The following TAF1A variants were observed in gnomAD, a reference collection of about 807,000 sequenced individuals.
TAF1A encodes TATA box-binding protein-associated factor RNA polymerase I subunit A.
TAF1A carries 42 observed loss-of-function variants against 61.6 expected under a neutral mutation model. The observed-to-expected ratio is 0.68, with a 90% CI of 0.53 to 0.88. The LOEUF (loss-of-function observed/expected upper bound fraction) is 0.88. TAF1A is among the 40% of genes least tolerant of loss of function. The probability of loss-of-function intolerance (pLI) is 0.00; values close to 1 mark genes in which losing one functional copy is unlikely to be tolerated. For missense variants in TAF1A, 424 were observed against 518.7 expected, an observed-to-expected ratio of 0.82 and a Z score of 1.77; for synonymous variants, 179 against 177.7, an observed-to-expected ratio of 1.01 and a Z score of -0.06.
At chr1:222,568,871 G>A (rs1440470754) in intron 7 of TAF1A, 1 of 152,290 alleles carries the variant, frequency 6.6e-6, no homozygotes, top group Non-Finnish European at 1.5e-5. Context: ...ATCAAGAAGT[G>A]AATGTATAAA....
chr1:222,589,559 C>A (rs1661167242), intron 1 of TAF1A, among the ~76,000 whole-genome samples, 168 bp downstream of exon 1: 1 of 152,132 alleles, frequency 6.6e-6, no homozygotes, highest in Admixed American at 6.6e-5. Context: ...AATTGGTGAC[C>A]CGCAGTTGCC....
At chr1:222,578,027 T>C (rs115906700) in intron 4 of TAF1A, among the ~76,000 whole-genome samples, 472 of 152,314 alleles carry the variant, frequency 3.1e-3, no homozygotes, top group Middle Eastern at 0.01. Flanking sequence ...TTTTCAAGAT[T>C]AAATGAGATA....
intron 4 of TAF1A, among the ~76,000 whole-genome samples, chr1:222,578,981 T>G (rs1660681825): frequency 6.6e-6 from 1 of 152,224 alleles, no homozygotes; most frequent in Non-Finnish European, 1.5e-5. Context: ...AACAGTTTAC[T>G]CTTCACACTC....
intron 5 of TAF1A, among the ~76,000 whole-genome samples, chr1:222,575,014 A>G (rs991870389): frequency 5.9e-5 from 9 of 152,114 alleles, no homozygotes; most frequent in Admixed American, 3.9e-4. Context: ...CATTTGTTTT[A>G]TATGCTTTTT....
At chr1:222,571,860 C>T (rs74916023) in intron 5 of TAF1A, among the ~76,000 whole-genome samples, 56 of 152,124 alleles carry the variant, frequency 3.7e-4, no homozygotes, top group Middle Eastern at 3.4e-3. Flanking sequence ...ATAATTCATA[C>T]GAAAATGCAA....
chr1:222,563,283 G>A lies in TAF1A; in HGVS notation c.975C>T (p.His325=). 1.9e-6 allele frequency: 3 copies of A among 1,612,476 alleles called. 1 individual carries two copies. The highest frequency in any genetic ancestry group is 2.2e-5 in the South Asian group (2 of 90,876). Residue 325 remains histidine (H), a synonymous_variant, in exon 9 of 11, where the codon CAC becomes CAT. Coordinates refer to ENST00000352967, the MANE Select transcript of TAF1A (RefSeq NM_005681.4). ...ATAATACCTCCAACCCCAGTTTACG[G>A]TGTTCTTCTTTTTCTGCAATGGTTT... ...TLLRKSEKEE[H]RKLGLEVLFG...
At chr1:222,573,955 C>T (rs1660462934) in intron 5 of TAF1A, among the ~76,000 whole-genome samples, 1 of 148,056 alleles carries the variant, frequency 6.8e-6, no homozygotes, top group South Asian at 2.2e-4. Context: ...ACATTAAAAA[C>T]ATTATGCTTT....
chr1:222,588,629 C>A, intron 1 of TAF1A, 64 bp from the exon 2 acceptor site: 1 of 1,521,354 alleles, frequency 6.6e-7, no homozygotes, highest in South Asian at 1.3e-5. Context: ...CTGAGTTGTA[C>A]AGAAAAACGG....
At chr1:222,576,366 C>A (rs1660572647) in intron 5 of TAF1A, among the ~76,000 whole-genome samples, 1 of 152,110 alleles carries the variant, frequency 6.6e-6, no homozygotes, top group Admixed American at 6.6e-5. Context: ...TACCACTTAT[C>A]ACATAAGGAT....
Position 222,588,538 on chromosome 1 carries a change from T to G in TAF1A, c.26A>C (p.Lys9Thr), listed in dbSNP as rs1256903726. The G allele has an allele frequency of 1.2e-6, 2 of 1,613,982 alleles. No individual in the cohort carries two copies. MSDFSEEL[K>T]GPVTDDEEVE... ...TTCTTCATCATCTGTCACAGGCCCT[T>G]TTAATTCTTCACTGAAATCACTCAT... The change falls in exon 2 of 11, where the codon AAA (lysine) becomes ACA (threonine). Residue 9 changes from lysine to threonine, a missense_variant. Coordinates refer to ENST00000352967, the MANE Select transcript of TAF1A (RefSeq NM_005681.4).
chr1:222,570,546 T>C lies in TAF1A; in HGVS notation c.724A>G (p.Ser242Gly). 6.2e-7 allele frequency: 1 copy of C among 1,610,530 alleles called. No homozygotes were observed. The highest frequency in any genetic ancestry group is 1.3e-5 in the African/African-American group (1 of 74,970). ...AAAATTCTACTTACTTCTACATAAC[T>C]CTTCACAAAAGGGTCCCAAACTCCA... Reference protein sequence around the residue: ...IPGVWDPFVKSYVEMLEFYGD... With the variant: ...IPGVWDPFVKGYVEMLEFYGD... Residue 242 changes from serine (S) to glycine (G), a missense_variant, in exon 6 of 11, where the codon AGT becomes GGT. Transcript: ENST00000352967.
chr1:222,558,604 T>C lies in TAF1A; in HGVS notation c.*56A>G. 2 of 885,074 alleles carry C rather than the reference T, an allele frequency of 2.3e-6. No individual in the cohort carries two copies. The highest frequency in any genetic ancestry group is 2.7e-5 in the East Asian group (1 of 37,290). The allele number at this position is 885,074 out of a possible 1,614,324, so 54.8% of individuals were successfully genotyped here. On this transcript the variant is annotated 3_prime_UTR_variant, in exon 11 of 11. Coordinates refer to ENST00000352967, the MANE Select transcript of TAF1A (RefSeq NM_005681.4). ...ACACTACATAAATACATTCAATAACTATCTACCAAGCTACTTACTGTGTAG... is the reference window on the plus strand; with the variant it reads ...ACACTACATAAATACATTCAATAACCATCTACCAAGCTACTTACTGTGTAG...
intron 5 of TAF1A, among the ~76,000 whole-genome samples, chr1:222,577,113 T>C (rs1309363754): frequency 1.8e-5 from 2 of 112,686 alleles, no homozygotes; most frequent in Non-Finnish European, 3.4e-5. Context: ...TCCATAGAAA[T>C]TGGAATGGAG....
At chr1:222,588,644 C>A in intron 1 of TAF1A, 79 bp from the exon 2 acceptor site, 1 of 1,410,634 alleles carries the variant, frequency 7.1e-7, no homozygotes, top group African/African-American at 1.5e-5. Context: ...AAACGGCTAT[C>A]TTTTTATCTA....
At chr1:222,572,218 CA>C (rs1172947422) in intron 5 of TAF1A, among the ~76,000 whole-genome samples, 35,495 of 86,610 alleles carry the variant, frequency 0.41, 4,241 homozygotes, top group African/African-American at 0.52. Flanking sequence ...GACTCAGTCT[CA>C]AAAAAAAAAA....
chr1:222,556,540 T>C (rs1659728814), downstream of TAF1A, among the ~76,000 whole-genome samples: 1 of 152,190 alleles, frequency 6.6e-6, no homozygotes, highest in Non-Finnish European at 1.5e-5. Context: ...AAAATAGGAA[T>C]AATTCATAGG....
Position 222,588,426 on chromosome 1 carries a change from G to A in TAF1A, c.121+17C>T. The A allele has an allele frequency of 6.2e-7, 1 of 1,610,058 alleles. No homozygotes were observed. Among genetic ancestry groups the A allele is most frequent in the Non-Finnish European group, 8.5e-7 (1 of 1,178,648 alleles). On this transcript the variant is annotated intron_variant, in intron 2 of 10. Coordinates refer to ENST00000352967, the MANE Select transcript of TAF1A (RefSeq NM_005681.4). The stretch of plus-strand genomic sequence containing the variant: ...CTCCTTAAAGTTAAAATGGCTCAAT[G>A]TTATTATTTTACTTACCCACAGTTT...
At chr1:222,587,800 C>T (rs1384107999) in intron 2 of TAF1A, among the ~76,000 whole-genome samples, 1 of 151,900 alleles carries the variant, frequency 6.6e-6, no homozygotes, top group Non-Finnish European at 1.5e-5. Flanking sequence ...GCCTGTAATC[C>T]CACCACTTTG....
chr1:222,564,169 G>T, intron 7 of TAF1A, 44 bp from the exon 8 acceptor site: 1 of 1,255,810 alleles, frequency 8.0e-7, no homozygotes, highest in Non-Finnish European at 1.1e-6. Flanking sequence ...ACTTGTAAAA[G>T]CATTTCTCAA....
Sources: gnomAD v4.1 joint callset for allele counts (sites outside exome capture counted in the v4.1 genomes callset) on GRCh38, gnomAD v4.1.1 for gene constraint, MANE v1.5 for transcripts, NCBI Gene and HGNC (gene_info 2026-07-23, HGNC 2026-07-21) for gene names.